The following KDM3A variants were observed in gnomAD, a reference collection of about 807,000 sequenced individuals.
The protein encoded by KDM3A is lysine-specific demethylase 3A.
A neutral mutation model predicts 158.0 loss-of-function variants in KDM3A; 60 were observed. That is an observed-to-expected ratio of 0.38 (90% CI 0.31 to 0.47). The LOEUF (loss-of-function observed/expected upper bound fraction) is 0.47, where lower values mean the gene tolerates loss of function less well. KDM3A is among the 20% of genes least tolerant of loss of function. KDM3A has a pLI of 0.99. For missense variants in KDM3A, 1,319 were observed against 1,574.3 expected (o/e 0.84, Z 2.74); for synonymous variants, 608 against 549.3 (o/e 1.11, Z -1.49).
rs778994482 is a variant in KDM3A, at chr2:86,485,877, A to G, written c.3313+18A>G. 9.4e-6 allele frequency: 15 copies of G among 1,601,680 alleles called. No individual in the cohort carries two copies. Among genetic ancestry groups the G allele is most frequent in the Non-Finnish European group, 1.2e-5 (14 of 1,170,692 alleles). On this transcript the variant is annotated intron_variant, in intron 21 of 25. Coordinates refer to ENST00000312912, the MANE Select transcript of KDM3A (RefSeq NM_018433.6). ...TGCTTATGGTAAGGAGGAGATGGCT[A>G]ACTTTAAAATGGAAATAAAACAATT...
intron 13 of KDM3A, 37 bp from the exon 14 acceptor site, chr2:86,478,133 C>A: frequency 6.2e-7 from 1 of 1,607,504 alleles, no homozygotes; most frequent in South Asian, 1.1e-5. Context: ...GAGACAGAGT[C>A]TGTAAAGAAC....
At chr2:86,464,018 T>C in intron 8 of KDM3A, 35 bp from the exon 9 acceptor site, 1 of 1,452,386 alleles carries the variant, frequency 6.9e-7, no homozygotes, top group Admixed American at 2.3e-5. Flanking sequence ...AACTAGGGAC[T>C]TCCTTTTAAT....
chr2:86,471,757 T>C (rs2104676812), intron 11 of KDM3A, among the ~76,000 whole-genome samples: 1 of 152,318 alleles, frequency 6.6e-6, no homozygotes, highest in East Asian at 1.9e-4. Flanking sequence ...TTCATCCCTT[T>C]GTAAATTGCA....
chr2:86,482,043 C>A lies in KDM3A; in HGVS notation c.2626C>A (p.Pro876Thr). 1.2e-6 allele frequency: 2 copies of A among 1,614,124 alleles called. No homozygotes were observed. Among genetic ancestry groups the A allele is most frequent in the Non-Finnish European group, 1.7e-6 (2 of 1,180,002 alleles). ...TACGTTTAACAGCACAATTTTGACA[C>A]CCGTAAGCAACAACAATTCTGGTTT... ...LHTFNSTILT[P>T]VSNNNSGFLR... is the part of the protein sequence containing the mutation. The change falls in exon 17 of 26, where the codon CCC (proline) becomes ACC (threonine). Residue 876 changes from proline to threonine, a missense_variant. This residue lies in a region of KDM3A where 368 missense variants were observed against 415.8 expected (regional missense o/e 0.89). Coordinates refer to ENST00000312912, the MANE Select transcript of KDM3A (RefSeq NM_018433.6).
Position 86,480,265 on chromosome 2 carries a change from G to A in KDM3A, c.2415G>A (p.Lys805=). The change falls in exon 16 of 26, where the codon AAG becomes AAA. Residue 805 remains lysine (K), a synonymous_variant. Transcript: ENST00000312912. ...PAAVGGEAAS[K]PAGSMKPACP... is the part of the protein sequence containing the mutation. ...CTGTGGGTGGGGAAGCAGCCTCCAAGCCAGCCGGCAGCATGAAGCCTGCCT... is the reference window on the plus strand; with the variant it reads ...CTGTGGGTGGGGAAGCAGCCTCCAAACCAGCCGGCAGCATGAAGCCTGCCT... 6.2e-6 allele frequency: 10 copies of A among 1,613,888 alleles called. No individual in the cohort carries two copies. Among genetic ancestry groups the A allele is most frequent in the Non-Finnish European group, 8.5e-6 (10 of 1,180,018 alleles).
At chr2:86,470,498 T>A in intron 11 of KDM3A, 90 bp downstream of exon 11, 1 of 1,093,202 alleles carries the variant, frequency 9.1e-7, no homozygotes. Context: ...TTATCAACAG[T>A]AAATCTAGAA....
intron 15 of KDM3A, chr2:86,479,546 A>G (rs1047026219): frequency 5.9e-5 from 9 of 151,866 alleles, no homozygotes; most frequent in Admixed American, 5.3e-4. Flanking sequence ...ATTACATCAC[A>G]TGTAAAGAGA....
rs145173684 is a variant in KDM3A, at chr2:86,464,452, G to A, written c.1007+236G>A. On this transcript the variant is annotated intron_variant, in intron 9 of 25. Transcript: ENST00000312912. ...GACTGTCTTGATACAGTGTGAAGGA[G>A]CAATTGAAATAGTACCTTTGTAAAA... Among the ~76,000 whole-genome samples, 949 of 152,268 alleles carry A rather than the reference G, an allele frequency of 6.2e-3. 6 individuals carry two copies. Among genetic ancestry groups the A allele is most frequent in the Middle Eastern group, 0.031 (9 of 294 alleles).
At chr2:86,444,957 G>A (rs1380821101) in intron 2 of KDM3A, among the ~76,000 whole-genome samples, 1 of 152,090 alleles carries the variant, frequency 6.6e-6, no homozygotes, top group African/African-American at 2.4e-5. Flanking sequence ...TCAGGATTTA[G>A]CAAAGAAAAA....
At chr2:86,453,707 A>G (rs1033104136) in intron 4 of KDM3A, among the ~76,000 whole-genome samples, 6 of 152,304 alleles carry the variant, frequency 3.9e-5, no homozygotes, top group Non-Finnish European at 5.9e-5. Context: ...AAACTAACCC[A>G]TTCTGGTAAT....
At chr2:86,464,409 AGGG>A (rs1224908086) in intron 9 of KDM3A, among the ~76,000 whole-genome samples, 193 bp downstream of exon 9, 1 of 152,180 alleles carries the variant, frequency 6.6e-6, no homozygotes, top group Non-Finnish European at 1.5e-5. Flanking sequence ...TAGAAGTGAA[AGGG>A]GGCATGAGAA....
intron 15 of KDM3A, 117 bp from the exon 16 acceptor site, chr2:86,480,050 G>C: frequency 1.3e-6 from 1 of 754,024 alleles, no homozygotes; most frequent in South Asian, 1.5e-5. Flanking sequence ...CTAACTATTA[G>C]GTGGTTTTGT....
chr2:86,462,738 A>G (rs576480432), intron 8 of KDM3A, among the ~76,000 whole-genome samples: 2 of 152,296 alleles, frequency 1.3e-5, no homozygotes, highest in South Asian at 2.1e-4. Flanking sequence ...TGTCAAGTAA[A>G]TTTCTGAGAA....
At chr2:86,454,538 C>T (rs1019248875) in intron 4 of KDM3A, among the ~76,000 whole-genome samples, 1 of 152,100 alleles carries the variant, frequency 6.6e-6, no homozygotes, top group Non-Finnish European at 1.5e-5. Context: ...AATAAACTAA[C>T]TCTCAGTTAT....
In KDM3A at chr2:86,489,516, C is replaced by G; in HGVS notation, c.3434-4C>G. 6.2e-7 allele frequency: 1 copy of G among 1,612,030 alleles called. No individual in the cohort carries two copies. The highest frequency in any genetic ancestry group is 1.7e-4 in the Middle Eastern group (1 of 6,036). On this transcript the variant is annotated splice_region_variant and splice_polypyrimidine_tract_variant and intron_variant, in intron 22 of 25. Coordinates refer to ENST00000312912, the MANE Select transcript of KDM3A (RefSeq NM_018433.6). ...CTGATATCTGCTTTCTCTTCTTGCT[C>G]TAGAAGTCCTTAAGACCATCCAAGA...
Position 86,482,007 on chromosome 2 carries a change from A to T in KDM3A, c.2590A>T (p.Thr864Ser), listed in dbSNP as rs1449693225. The part of the protein sequence containing the change: ...PPLPPLSKSS[T>S]VLHTFNSTIL... ...CCTCCCACCTTTAAGCAAATCCAGC[A>T]CAGTCCTCCATACGTTTAACAGCAC... The change falls in exon 17 of 26, where the codon ACA becomes TCA. Residue 864 changes from threonine (T) to serine (S), a missense_variant. Thr to Ser is a moderately conservative substitution (Grantham distance 58, BLOSUM62 1). Transcript: ENST00000312912. 6.2e-7 allele frequency: 1 copy of T among 1,614,052 alleles called. No individual in the cohort carries two copies. Among genetic ancestry groups the T allele is most frequent in the East Asian group, 2.2e-5 (1 of 44,886 alleles).
chr2:86,490,817 A>G (rs577570506), intron 23 of KDM3A, 64 bp from the exon 24 acceptor site: 34 of 1,285,336 alleles, frequency 2.6e-5, no homozygotes, highest in African/African-American at 2.1e-4. Flanking sequence ...TGTTTAGAGG[A>G]AAAAAATGGC....
At position 86,441,975 on chromosome 2, in the gene KDM3A, C is replaced by A. The variant is rs1157468279; in HGVS notation, c.-30-43C>A. On this transcript the variant is annotated intron_variant, in intron 1 of 25. Transcript: ENST00000312912. The stretch of plus-strand genomic sequence containing the variant: ...CCTGCTGTCTCCGCCCGGCCCCCTC[C>A]CACCGGCCGCCCCCGTCGCATTTTG... 3.9e-6 allele frequency: 6 copies of A among 1,552,060 alleles called. No individual in the cohort carries two copies. In the Admixed American group the frequency reaches 8.4e-5, roughly 22 times the overall value.
At chr2:86,460,388 G>A (rs1195807748) in intron 8 of KDM3A, among the ~76,000 whole-genome samples, 1 of 152,166 alleles carries the variant, frequency 6.6e-6, no homozygotes, top group Non-Finnish European at 1.5e-5. Context: ...TTTCAGGAGG[G>A]CTGGAGAGAT....
Sources: gnomAD v4.1 joint callset for allele counts (sites outside exome capture counted in the v4.1 genomes callset) on GRCh38, gnomAD v4.1.1 for gene constraint, gnomAD v4.1.1 regional missense constraint, MANE v1.5 for transcripts, NCBI Gene and HGNC (gene_info 2026-07-23, HGNC 2026-07-21) for gene names.